PPP2R2B: variants seen among roughly 807,000 people sequenced by gnomAD.
The protein encoded by PPP2R2B is serine/threonine-protein phosphatase 2A 55 kDa regulatory subunit B beta isoform.
PPP2R2B carries 5 observed loss-of-function variants against 46.0 expected under a neutral mutation model. The observed-to-expected ratio is 0.11, with a 90% CI of 0.06 to 0.23. PPP2R2B has a LOEUF of 0.23. Ranked by LOEUF, PPP2R2B falls within the 10% of genes least tolerant of loss-of-function variation. PPP2R2B has a pLI of 1.00. For missense variants in PPP2R2B, 367 were observed against 575.0 expected (o/e 0.64, Z 3.70); for synonymous variants, 215 against 206.7 (o/e 1.04, Z -0.34).
At chr5:146,737,113 T>TAC (rs1050371086) in intron 2 of PPP2R2B, among the ~76,000 whole-genome samples, 5 of 152,222 alleles carry the variant, frequency 3.3e-5, no homozygotes, top group African/African-American at 1.2e-4. Flanking sequence ...ATTTCATACT[T>TAC]ACAGCACATC....
At chr5:146,813,127 T>C (rs1757729584) in intron 2 of PPP2R2B, among the ~76,000 whole-genome samples, 1 of 151,520 alleles carries the variant, frequency 6.6e-6, no homozygotes, top group Non-Finnish European at 1.5e-5. Flanking sequence ...TGAAGCTATA[T>C]ATATAGTGTG....
At chr5:146,713,288 GAACA>G (rs1780307951) in intron 2 of PPP2R2B, among the ~76,000 whole-genome samples, 1 of 152,158 alleles carries the variant, frequency 6.6e-6, no homozygotes, top group Admixed American at 6.5e-5. Context: ...GCCTAGAGCA[GAACA>G]AACAAGGGGT....
chr5:146,721,590 C>T (rs1441078538), intron 2 of PPP2R2B, among the ~76,000 whole-genome samples: 1 of 152,264 alleles, frequency 6.6e-6, no homozygotes, highest in Non-Finnish European at 1.5e-5. Context: ...TGATCTGAAT[C>T]TATTTTGTTC....
intron 5 of PPP2R2B, among the ~76,000 whole-genome samples, chr5:146,679,464 C>T (rs1581856732): frequency 3.1e-4 from 1 of 3,200 alleles, no homozygotes; most frequent in Non-Finnish European, 4.1e-4. Context: ...TAGGCATTAC[C>T]ATTCAGGACA....
chr5:147,054,786 C>G, intron 1 of PPP2R2B: 1 of 439,416 alleles, frequency 2.3e-6, no homozygotes, highest in Non-Finnish European at 4.6e-6. Flanking sequence ...CAATCAAATG[C>G]CACTAGTAGG....
intron 1 of PPP2R2B, among the ~76,000 whole-genome samples, chr5:146,985,316 G>A (rs904102792): frequency 2.6e-5 from 4 of 152,062 alleles, no homozygotes; most frequent in Admixed American, 6.5e-5. Context: ...ACTGCACCTG[G>A]CCTTAGTTTG....
chr5:146,739,509 G>C (rs1752741167), intron 2 of PPP2R2B, among the ~76,000 whole-genome samples: 1 of 152,200 alleles, frequency 6.6e-6, no homozygotes, highest in African/African-American at 2.4e-5. Flanking sequence ...GGGACCAACA[G>C]AGATTTCAAT....
chr5:146,759,814 A>G (rs1245769984), intron 2 of PPP2R2B, among the ~76,000 whole-genome samples: 1 of 151,844 alleles, frequency 6.6e-6, no homozygotes, highest in African/African-American at 2.4e-5. Flanking sequence ...TGGTATCATA[A>G]TTATTTTGAA....
intron 1 of PPP2R2B, among the ~76,000 whole-genome samples, chr5:146,903,337 T>C (rs995306373): frequency 9.1e-6 from 1 of 109,328 alleles, no homozygotes; most frequent in Non-Finnish European, 1.7e-5. Context: ...TAAGAAACAC[T>C]GTTTTTTTTG....
At chr5:146,740,556 A>C (rs909820634) in intron 2 of PPP2R2B, among the ~76,000 whole-genome samples, 1 of 146,564 alleles carries the variant, frequency 6.8e-6, no homozygotes, top group African/African-American at 2.5e-5. Context: ...CTGCCAAATT[A>C]ATATTTTAAA....
chr5:146,740,630 A>T (rs56268466), intron 2 of PPP2R2B, among the ~76,000 whole-genome samples: 3,292 of 150,180 alleles, frequency 0.022, 120 homozygotes, highest in African/African-American at 0.073. Context: ...CACAGATAAA[A>T]GTTCTTGATG....
chr5:147,035,490 C>G (rs1234211212), intron 1 of PPP2R2B, among the ~76,000 whole-genome samples: 1 of 152,090 alleles, frequency 6.6e-6, no homozygotes, highest in Non-Finnish European at 1.5e-5. Flanking sequence ...TCTCTGAATT[C>G]CTTTGTCTTC....
intron 8 of PPP2R2B, 81 bp from the exon 9 acceptor site, chr5:146,593,143 A>G: frequency 1.7e-6 from 2 of 1,173,178 alleles, no homozygotes; most frequent in Non-Finnish European, 2.6e-6. Flanking sequence ...TTCTGATGTG[A>G]GCTGTTAAAT....
intron 1 of PPP2R2B, among the ~76,000 whole-genome samples, chr5:147,037,320 A>G (rs911976435): frequency 2.6e-5 from 4 of 152,076 alleles, no homozygotes; most frequent in Non-Finnish European, 4.4e-5. Flanking sequence ...TGCAAGAAAA[A>G]CATAGCTACA....
chr5:146,734,116 A>G (rs1366549488), intron 2 of PPP2R2B, among the ~76,000 whole-genome samples: 1 of 150,658 alleles, frequency 6.6e-6, no homozygotes, highest in South Asian at 2.1e-4. Flanking sequence ...GGGCAGTGGC[A>G]TGATCACAGC....
intron 2 of PPP2R2B, among the ~76,000 whole-genome samples, chr5:147,071,461 C>T (rs1757595937): frequency 6.6e-6 from 1 of 152,180 alleles, no homozygotes; most frequent in South Asian, 2.1e-4. Flanking sequence ...CATCTTGCAT[C>T]TGTCTGCCAT....
chr5:146,944,777 A>C (rs966110096), intron 1 of PPP2R2B, among the ~76,000 whole-genome samples: 5 of 152,098 alleles, frequency 3.3e-5, no homozygotes, highest in African/African-American at 1.2e-4. Context: ...CCTTTAAAAC[A>C]ATTTATTAAA....
intron 1 of PPP2R2B, among the ~76,000 whole-genome samples, chr5:146,943,240 C>A (rs1764378678): frequency 6.6e-6 from 1 of 152,124 alleles, no homozygotes; most frequent in Admixed American, 6.6e-5. Context: ...TTAAGTCACT[C>A]AAAATTACAT....
intron 5 of PPP2R2B, among the ~76,000 whole-genome samples, chr5:146,674,583 T>C (rs968832272): frequency 2.0e-5 from 3 of 152,308 alleles, no homozygotes; most frequent in Admixed American, 2.0e-4. Context: ...GGAATGTAAT[T>C]GACAGCTCAT....
Sources: allele counts gnomAD v4.1 joint callset (sites outside exome capture counted in the v4.1 genomes callset), GRCh38; gene constraint gnomAD v4.1.1; transcripts MANE v1.5; gene names NCBI Gene and HGNC (gene_info 2026-07-23, HGNC 2026-07-21).